Variants in DISC1 observed in about 807,000 individuals in gnomAD.
DISC1 encodes DISC1 scaffold protein, also known as disrupted in schizophrenia 1 protein.
Under a neutral mutation model 84.5 loss-of-function variants are expected in DISC1, and 57 were observed. The observed-to-expected ratio is 0.67, with a 90% CI of 0.55 to 0.84. The LOEUF is 0.84. Among genes scored for constraint, DISC1 ranks in the 40% least tolerant of loss-of-function variants. DISC1 has a pLI of 0.00. For missense variants in DISC1, 1,000 were observed against 1,057.8 expected (o/e 0.95, Z 0.76); for synonymous variants, 411 against 415.2 (o/e 0.99, Z 0.12).
In DISC1 at chr1:231,810,766, G is replaced by A. The variant is rs188222015; in HGVS notation, c.1793-7563G>A. Among the ~76,000 whole-genome samples the A allele has an allele frequency of 3.4e-3, 525 of 152,274 alleles. 1 individual carries two copies. Among genetic ancestry groups the A allele is most frequent in the Non-Finnish European group, 6.2e-3 (422 of 68,024 alleles). On this transcript the variant is annotated intron_variant, in intron 8 of 12. Coordinates refer to ENST00000439617, the MANE Select transcript of DISC1 (RefSeq NM_018662.3). ...GGCTTTCTCTGGTGGGTCCTAAGTTGGAATCGGGGACAAAAATTAGGGAAG... is the reference window on the plus strand; with the variant it reads ...GGCTTTCTCTGGTGGGTCCTAAGTTAGAATCGGGGACAAAAATTAGGGAAG...
chr1:231,937,999 T>G (rs1452618117), intron 9 of DISC1, among the ~76,000 whole-genome samples: 1 of 152,124 alleles, frequency 6.6e-6, no homozygotes, highest in Non-Finnish European at 1.5e-5. Context: ...CCCTGACCAC[T>G]CCATCTCTGT....
intron 11 of DISC1, among the ~76,000 whole-genome samples, chr1:232,024,362 C>T (rs77545015): frequency 6.6e-6 from 1 of 152,036 alleles, no homozygotes; most frequent in Non-Finnish European, 1.5e-5. Context: ...AGGTAGTTGG[C>T]CATTGGCATG....
At chr1:231,971,309 A>G (rs746264689) in intron 10 of DISC1, among the ~76,000 whole-genome samples, 11 of 152,198 alleles carry the variant, frequency 7.2e-5, no homozygotes, top group South Asian at 2.1e-4. Context: ...TCAAGATTGT[A>G]TGATAGTTTA....
intron 1 of DISC1, among the ~76,000 whole-genome samples, chr1:231,644,579 T>G (rs2059979174): frequency 6.6e-6 from 1 of 152,128 alleles, no homozygotes; most frequent in Admixed American, 6.5e-5. Flanking sequence ...GGTAACCCCC[T>G]TATTGGGGCT....
chr1:231,893,434 A>G lies in DISC1; in HGVS notation c.1982-65394A>G, dbSNP rs1449350294. On this transcript the variant is annotated intron_variant, in intron 9 of 12. Coordinates refer to ENST00000439617, the MANE Select transcript of DISC1 (RefSeq NM_018662.3). Reference sequence around the variant, plus strand: ...ATAACAGAGTATAGGACAGAAAATTATCTTGGAAATTTAATAAAAGGTTAT... The same window carrying G: ...ATAACAGAGTATAGGACAGAAAATTGTCTTGGAAATTTAATAAAAGGTTAT... 2.6e-5 allele frequency among the ~76,000 whole-genome samples: 4 copies of G among 152,214 alleles called. No homozygotes were observed. The South Asian group carries it at 6.2e-4, about 24-fold the overall frequency.
chr1:231,669,105 C>T (rs1444240306), intron 1 of DISC1, among the ~76,000 whole-genome samples: 1 of 152,136 alleles, frequency 6.6e-6, no homozygotes, highest in Non-Finnish European at 1.5e-5. Flanking sequence ...AGAGCAGTTC[C>T]TCAAGTTGGT....
chr1:231,685,653 A>C (rs1243042282), intron 1 of DISC1, among the ~76,000 whole-genome samples: 1 of 152,060 alleles, frequency 6.6e-6, no homozygotes, highest in Non-Finnish European at 1.5e-5. Context: ...GAGTTTCACC[A>C]TATTGGCCAG....
At chr1:231,820,875 T>C (rs1271062831) in intron 9 of DISC1, among the ~76,000 whole-genome samples, 1 of 152,224 alleles carries the variant, frequency 6.6e-6, no homozygotes, top group Non-Finnish European at 1.5e-5. Flanking sequence ...ACTAAAGTGA[T>C]GAATTCTGTT....
chr1:231,761,762 A>G (rs2075683622), intron 4 of DISC1, among the ~76,000 whole-genome samples: 1 of 152,250 alleles, frequency 6.6e-6, no homozygotes, highest in Non-Finnish European at 1.5e-5. Context: ...CAAAGAAATG[A>G]TCCAATGCAA....
chr1:232,024,686 G>A (rs977949527), intron 11 of DISC1, among the ~76,000 whole-genome samples: 3 of 151,926 alleles, frequency 2.0e-5, no homozygotes, highest in African/African-American at 2.4e-5. Context: ...TCCGCCTCCC[G>A]GGTTCAAGCG....
At chr1:231,707,224 T>G (rs905089521) in intron 3 of DISC1, among the ~76,000 whole-genome samples, 1 of 152,216 alleles carries the variant, frequency 6.6e-6, no homozygotes, top group Non-Finnish European at 1.5e-5. Context: ...AAAAGTGGAC[T>G]GCAATTGAAA....
intron 1 of DISC1, among the ~76,000 whole-genome samples, chr1:231,674,409 G>A (rs1170342115): frequency 1.3e-5 from 2 of 152,076 alleles, no homozygotes; most frequent in African/African-American, 4.8e-5. Context: ...ATAGCCATTG[G>A]GATAAGACCA....
At chr1:231,930,029 A>C (rs185550030) in intron 9 of DISC1, among the ~76,000 whole-genome samples, 12 of 152,280 alleles carry the variant, frequency 7.9e-5, no homozygotes, top group Admixed American at 5.9e-4. Flanking sequence ...TCAAGCCTGG[A>C]GTGAGAGATG....
intron 3 of DISC1, among the ~76,000 whole-genome samples, chr1:231,718,636 A>T (rs1036267627): frequency 3.9e-5 from 6 of 152,094 alleles, no homozygotes; most frequent in Non-Finnish European, 1.5e-5. Flanking sequence ...GGGTTTCTCC[A>T]TGTTGGCCAG....
intron 1 of DISC1, among the ~76,000 whole-genome samples, chr1:231,645,992 C>A (rs2060095120): frequency 6.6e-6 from 1 of 151,076 alleles, no homozygotes; most frequent in Non-Finnish European, 1.5e-5. Context: ...TTGAGCAACA[C>A]AATTAACTAG....
At chr1:231,851,452 A>G (rs2083892909) in intron 9 of DISC1, among the ~76,000 whole-genome samples, 1 of 152,228 alleles carries the variant, frequency 6.6e-6, no homozygotes, top group African/African-American at 2.4e-5. Context: ...CCTGAGCAGC[A>G]GGAAACTGAA....
At chr1:231,933,081 T>C (rs2090769866) in intron 9 of DISC1, among the ~76,000 whole-genome samples, 1 of 152,254 alleles carries the variant, frequency 6.6e-6, no homozygotes, top group Non-Finnish European at 1.5e-5. Context: ...GCAGCGATGA[T>C]AATAGTTAAC....
chr1:231,772,477 G>A (rs1443795689), intron 6 of DISC1, among the ~76,000 whole-genome samples: 2 of 152,088 alleles, frequency 1.3e-5, no homozygotes, highest in African/African-American at 4.8e-5. Flanking sequence ...TTGAGAATAC[G>A]GACTCTGCCA....
chr1:231,999,279 G>A (rs1666357805), intron 10 of DISC1, among the ~76,000 whole-genome samples: 1 of 152,182 alleles, frequency 6.6e-6, no homozygotes, highest in Non-Finnish European at 1.5e-5. Flanking sequence ...AAGACCGTGA[G>A]AGGACAGAAA....
Sources: allele counts gnomAD v4.1 joint callset (sites outside exome capture counted in the v4.1 genomes callset), GRCh38; gene constraint gnomAD v4.1.1; transcripts MANE v1.5; gene names NCBI Gene and HGNC (gene_info 2026-07-23, HGNC 2026-07-21).